GRIK4: variants seen among roughly 807,000 people sequenced by gnomAD.
GRIK4 encodes glutamate receptor ionotropic, kainate 4.
A neutral mutation model predicts 104.9 loss-of-function variants in GRIK4; 40 were observed. That is an observed-to-expected ratio of 0.38 (90% CI 0.30 to 0.50). The LOEUF (loss-of-function observed/expected upper bound fraction) is 0.50. Among genes scored for constraint, GRIK4 ranks in the 20% least tolerant of loss-of-function variants. The pLI, the probability that GRIK4 is intolerant of heterozygous loss-of-function variation, is 0.93. For missense variants in GRIK4, 1,047 were observed against 1,308.1 expected, an observed-to-expected ratio of 0.80 and a Z score of 3.08; for synonymous variants, 485 against 524.9, an observed-to-expected ratio of 0.92 and a Z score of 1.04.
rs781605473 is a variant in GRIK4 at position 120,815,482 on chromosome 11, G to A, written c.345+7G>A. On this transcript the variant is annotated splice_region_variant and intron_variant, in intron 5 of 20. Transcript: ENST00000527524. ...CATCTGTGGAGAGAAGGAGGTGAGT[G>A]TGAGGCAGGGCTGGGGAATATCTGT... The A allele has an allele frequency of 4.7e-6, 7 of 1,495,152 alleles. No individual in the cohort carries two copies. The South Asian group carries it at 8.6e-5, about 18-fold the overall frequency. The allele number at this position is 1,495,152 out of a possible 1,614,324, so 92.6% of individuals were successfully genotyped here.
intron 11 of GRIK4, among the ~76,000 whole-genome samples, chr11:120,885,261 C>A (rs1426631526): frequency 6.6e-6 from 1 of 152,226 alleles, no homozygotes; most frequent in Admixed American, 6.5e-5. Flanking sequence ...GCCATGCACT[C>A]CGCACACGGC....
Position 120,967,157 on chromosome 11 carries a change from C to T in GRIK4, c.2267-38C>T, listed in dbSNP as rs202221152. ...GCAGAGTGACACCTAACAGGGCATTCACAACCTGTGTCCTGGGCTCTCCCG... is the reference window on the plus strand; with the variant it reads ...GCAGAGTGACACCTAACAGGGCATTTACAACCTGTGTCCTGGGCTCTCCCG... On this transcript the variant is annotated intron_variant, in intron 18 of 20. Transcript: ENST00000527524. The surrounding 1 kb of genome is among the most constrained non-coding windows in gnomAD (Gnocchi z 4.2). 9.4e-6 allele frequency: 15 copies of T among 1,590,938 alleles called. 1 individual carries two copies. The Middle Eastern group carries it at 1.8e-3, about 195-fold the overall frequency.
chr11:120,908,750 G>A (rs770108675), intron 13 of GRIK4, among the ~76,000 whole-genome samples: 3 of 152,230 alleles, frequency 2.0e-5, no homozygotes, highest in Non-Finnish European at 4.4e-5. Context: ...GGGGAAACTT[G>A]TATCTGTGAG....
rs984061676 is a variant in GRIK4, at chr11:120,571,485, G to A, written c.-159+59598G>A. Among the ~76,000 whole-genome samples, 7 of 152,190 alleles carry A rather than the reference G, an allele frequency of 4.6e-5. No homozygotes were observed. The East Asian group carries it at 1.3e-3, about 29-fold the overall frequency. On this transcript the variant is annotated intron_variant, in intron 1 of 20. Transcript: ENST00000527524. ...AAGATTTTGATTTTTTAGGAAAGCT[G>A]ATTGGTGGCAGGACCCTCCTGCATG...
At chr11:120,547,295 C>A (rs1948094313) in intron 1 of GRIK4, among the ~76,000 whole-genome samples, 1 of 152,168 alleles carries the variant, frequency 6.6e-6, no homozygotes, top group Non-Finnish European at 1.5e-5. Flanking sequence ...TTTTGAGCTC[C>A]CAAAGGCCAG....
intron 1 of GRIK4, among the ~76,000 whole-genome samples, chr11:120,615,818 G>A (rs1949104795): frequency 6.6e-6 from 1 of 152,076 alleles, no homozygotes; most frequent in East Asian, 1.9e-4. Context: ...GTAGGAGCCA[G>A]GAGATCTTGA....
chr11:120,861,093 C>CTTTTTTTTTTT (rs547199127), intron 8 of GRIK4, among the ~76,000 whole-genome samples: 7 of 86,562 alleles, frequency 8.1e-5, no homozygotes, highest in Non-Finnish European at 9.3e-5. Flanking sequence ...AAATCATCCT[C>CTTTTTTTTTTT]TTTTTTTTTT....
intron 16 of GRIK4, among the ~76,000 whole-genome samples, chr11:120,960,679 A>T (rs1349076196): frequency 6.6e-6 from 1 of 152,240 alleles, no homozygotes; most frequent in African/African-American, 2.4e-5. Flanking sequence ...CATCTCCTTT[A>T]GGAAATAAGA....
chr11:120,592,006 C>G (rs1405242982), intron 1 of GRIK4, among the ~76,000 whole-genome samples: 1 of 152,150 alleles, frequency 6.6e-6, no homozygotes, highest in Non-Finnish European at 1.5e-5. Flanking sequence ...CGTGCAGGCT[C>G]CACTCAGGTC....
chr11:120,789,113 C>G (rs1419969215), intron 3 of GRIK4, among the ~76,000 whole-genome samples: 1 of 152,086 alleles, frequency 6.6e-6, no homozygotes, highest in Admixed American at 6.5e-5. Flanking sequence ...CATCCTATGC[C>G]AGATCCAAGT....
intron 7 of GRIK4, among the ~76,000 whole-genome samples, chr11:120,832,858 G>C (rs548143232): frequency 6.6e-6 from 1 of 152,210 alleles, no homozygotes; most frequent in Admixed American, 6.5e-5. Context: ...TCAGTTCCTG[G>C]GCTGGTGGCT....
intron 1 of GRIK4, among the ~76,000 whole-genome samples, chr11:120,530,427 G>A (rs561558224): frequency 3.9e-4 from 59 of 152,234 alleles, no homozygotes; most frequent in African/African-American, 1.3e-3. Context: ...GGGCAGCTCT[G>A]CACTCTGGTC....
chr11:120,617,183 G>A (rs555456141), intron 1 of GRIK4, among the ~76,000 whole-genome samples: 10 of 152,242 alleles, frequency 6.6e-5, no homozygotes, highest in East Asian at 1.9e-4. Context: ...AAGAGGTTAC[G>A]GTTAAGAACC....
chr11:120,810,770 C>T (rs1013756749), intron 4 of GRIK4, among the ~76,000 whole-genome samples: 26 of 152,028 alleles, frequency 1.7e-4, no homozygotes, highest in Non-Finnish European at 3.2e-4. Context: ...TAAATAGCAT[C>T]GAGCCTAATT....
Position 120,966,338 on chromosome 11 carries a change from T to C in GRIK4, c.2267-857T>C, listed in dbSNP as rs185528901. On this transcript the variant is annotated intron_variant, in intron 18 of 20. Coordinates refer to ENST00000527524, the MANE Select transcript of GRIK4 (RefSeq NM_014619.5). The stretch of plus-strand genomic sequence containing the variant: ...CTGGATAAACAGTTGTCAGGTGTAA[T>C]GTAGTGAGAGTTACAAGTGCCTAAG... Among the ~76,000 whole-genome samples the C allele has an allele frequency of 1.9e-3, 292 of 151,408 alleles. 2 individuals are homozygous for C. The highest frequency in any genetic ancestry group is 3.4e-3 in the Non-Finnish European group (229 of 68,014).
rs73578589 is a variant in GRIK4 at position 120,803,054 on chromosome 11, G to T, written c.247+197G>T. 3.3e-3 allele frequency among the ~76,000 whole-genome samples: 499 copies of T among 152,290 alleles called. 1 individual carries two copies. Among genetic ancestry groups the T allele is most frequent in the African/African-American group, 0.011 (461 of 41,552 alleles). ...GATTCCCAGGTTTTGTGCGAATCAC[G>T]TGTGGAGTAGAATTAAGACAGGATA... On this transcript the variant is annotated intron_variant, in intron 4 of 20. Coordinates refer to ENST00000527524, the MANE Select transcript of GRIK4 (RefSeq NM_014619.5).
intron 11 of GRIK4, among the ~76,000 whole-genome samples, chr11:120,883,058 C>G (rs562577244): frequency 4.6e-5 from 7 of 152,334 alleles, no homozygotes; most frequent in Non-Finnish European, 1.0e-4. Context: ...CTACTGTAGC[C>G]TTTTCACACT....
intron 1 of GRIK4, among the ~76,000 whole-genome samples, chr11:120,645,139 G>A (rs1949525824): frequency 1.3e-5 from 2 of 152,110 alleles, no homozygotes; most frequent in South Asian, 4.2e-4. Context: ...TAGTGTGTGT[G>A]TGTGTGTGTA....
intron 3 of GRIK4, among the ~76,000 whole-genome samples, chr11:120,739,515 G>C (rs1951288949): frequency 6.6e-6 from 1 of 152,218 alleles, no homozygotes; most frequent in Non-Finnish European, 1.5e-5. Flanking sequence ...AATGAGGTTA[G>C]AGTTGCAGGG....
Sources: gnomAD v4.1 joint callset for allele counts (sites outside exome capture counted in the v4.1 genomes callset) on GRCh38, gnomAD v4.1.1 for gene constraint, Gnocchi (gnomAD v3.1) non-coding constraint, MANE v1.5 for transcripts, NCBI Gene and HGNC (gene_info 2026-07-23, HGNC 2026-07-21) for gene names.